The following TRIO variants were observed in gnomAD, a reference collection of about 807,000 sequenced individuals.
TRIO encodes the protein trio Rho guanine nucleotide exchange factor.
TRIO carries 58 observed loss-of-function variants against 351.9 expected under a neutral mutation model. The ratio of observed to expected loss-of-function variants is 0.16; its 90% confidence interval spans 0.13 to 0.21. The LOEUF (loss-of-function observed/expected upper bound fraction) is 0.21, where lower values mean the gene tolerates loss of function less well. Among genes scored for constraint, TRIO ranks in the 10% least tolerant of loss-of-function variants. The pLI is 1.00. For missense variants in TRIO, 3,201 were observed against 4,027.8 expected (o/e 0.79, Z 5.56); for synonymous variants, 1,758 against 1,595.7 (o/e 1.10, Z -2.42).
chr5:14,284,283 A>G (rs747973254), intron 3 of TRIO, among the ~76,000 whole-genome samples: 7 of 152,200 alleles, frequency 4.6e-5, no homozygotes, highest in Non-Finnish European at 8.8e-5. Flanking sequence ...TTCCCAAAGA[A>G]CAGTGTCTCT....
chr5:14,270,244 C>G (rs1041283010), intron 1 of TRIO, among the ~76,000 whole-genome samples: 1 of 152,060 alleles, frequency 6.6e-6, no homozygotes, highest in Non-Finnish European at 1.5e-5. Context: ...GGCACTGGGC[C>G]GTATGACCAC....
chr5:14,420,004 G>A lies in TRIO; in HGVS notation c.5186G>A (p.Gly1729Asp), dbSNP rs1288296616. The A allele has an allele frequency of 1.9e-6, 3 of 1,612,964 alleles. No individual in the cohort carries two copies. Among genetic ancestry groups the A allele is most frequent in the Non-Finnish European group, 2.5e-6 (3 of 1,179,094 alleles). ...TCCAGAAGTAGCATGGAAATGGAGGGCATCTTCAACCACAAAGGTAGGAAT... is the reference window on the plus strand; with the variant it reads ...TCCAGAAGTAGCATGGAAATGGAGGACATCTTCAACCACAAAGGTAGGAAT... ...AHSRSSMEMEGIFNHKDSLSV... is the reference protein window; with the variant it reads ...AHSRSSMEMEDIFNHKDSLSV... Residue 1729 changes from glycine (G) to aspartate (D), a missense_variant, in exon 34 of 57, where the codon GGC (glycine) becomes GAC (aspartate). Coordinates refer to ENST00000344204, the MANE Select transcript of TRIO (RefSeq NM_007118.4).
rs533436338 is a variant in TRIO, at chr5:14,293,237, T to A, written c.1176+103T>A. 2.5e-5 allele frequency: 38 copies of A among 1,507,116 alleles called. No individual in the cohort carries two copies. The East Asian group carries it at 7.6e-4, about 30-fold the overall frequency. 93.4% of individuals were successfully genotyped at this position (1,507,116 alleles called of 1,614,324 possible). ...TAGGGCTTTCAAGGGGCCTTCGGAG[T>A]GGCTGTTGATTGTAGCAGCTGACCT... On this transcript the variant is annotated intron_variant, in intron 6 of 56. Coordinates refer to ENST00000344204, the MANE Select transcript of TRIO (RefSeq NM_007118.4).
At chr5:14,342,435 G>A (rs1048783835) in intron 11 of TRIO, among the ~76,000 whole-genome samples, 3 of 152,166 alleles carry the variant, frequency 2.0e-5, no homozygotes, top group African/African-American at 4.8e-5. Context: ...GCTGCCCTCC[G>A]ATGGGTGCTC....
intron 29 of TRIO, chr5:14,397,381 A>C: frequency 2.2e-6 from 1 of 448,314 alleles, no homozygotes; most frequent in Non-Finnish European, 4.0e-6. Flanking sequence ...GCCTCTCCAC[A>C]CTCTGGACTC....
intron 1 of TRIO, among the ~76,000 whole-genome samples, chr5:14,248,116 G>T (rs892932537): frequency 6.6e-6 from 1 of 151,792 alleles, no homozygotes; most frequent in Non-Finnish European, 1.5e-5. Context: ...TTTGCAGCTG[G>T]GGTTATTAGC....
At chr5:14,143,954 C>G (rs1457922679) in intron 1 of TRIO, 72 bp downstream of exon 1, 75 of 1,000,224 alleles carry the variant, frequency 7.5e-5, no homozygotes, top group East Asian at 8.7e-5. Context: ...GCGGAGCTGC[C>G]GAGCTCCGGC....
chr5:14,460,461 A>G (rs1453844045), intron 34 of TRIO, among the ~76,000 whole-genome samples: 9 of 152,160 alleles, frequency 5.9e-5, no homozygotes, highest in African/African-American at 2.2e-4. Context: ...GAGTCTCACC[A>G]GGACAAATCA....
At chr5:14,486,686 G>A (rs1755940153) in intron 47 of TRIO, among the ~76,000 whole-genome samples, 1 of 152,174 alleles carries the variant, frequency 6.6e-6, no homozygotes, top group Admixed American at 6.5e-5. Flanking sequence ...TGAGTAACTA[G>A]TAATACCTAT....
intron 31 of TRIO, among the ~76,000 whole-genome samples, chr5:14,401,481 A>G (rs1036450122): frequency 2.0e-5 from 3 of 152,234 alleles, no homozygotes; most frequent in African/African-American, 7.2e-5. Flanking sequence ...CAGGAAGTCG[A>G]GGCCAACCGT....
chr5:14,377,535 C>T (rs1745670559), intron 19 of TRIO, among the ~76,000 whole-genome samples: 1 of 152,184 alleles, frequency 6.6e-6, no homozygotes, highest in Non-Finnish European at 1.5e-5. Context: ...CAGGCGTGAG[C>T]CACCGCGCCC....
At chr5:14,365,486 C>G (rs890078182) in intron 15 of TRIO, among the ~76,000 whole-genome samples, 43 of 152,180 alleles carry the variant, frequency 2.8e-4, no homozygotes, top group African/African-American at 1.0e-3. Flanking sequence ...CACATCAGAA[C>G]AGGTAGACTC....
At chr5:14,400,872 A>T in intron 30 of TRIO, 91 bp from the exon 31 acceptor site, 1 of 1,195,300 alleles carries the variant, frequency 8.4e-7, no homozygotes, top group Non-Finnish European at 1.2e-6. Context: ...TAACATGGCC[A>T]CAAGTAACCA....
intron 1 of TRIO, among the ~76,000 whole-genome samples, chr5:14,187,881 T>G (rs545445944): frequency 1.3e-5 from 2 of 152,260 alleles, no homozygotes; most frequent in African/African-American, 4.8e-5. Context: ...AGGGCTTTCT[T>G]ATGGGGATAA....
At chr5:14,148,013 C>T (rs889005391) in intron 1 of TRIO, among the ~76,000 whole-genome samples, 2 of 152,150 alleles carry the variant, frequency 1.3e-5, no homozygotes, top group Non-Finnish European at 2.9e-5. Context: ...AAGTGACTTT[C>T]GAGGAATCAA....
At chr5:14,317,492 C>T (rs993388066) in intron 9 of TRIO, among the ~76,000 whole-genome samples, 3 of 152,168 alleles carry the variant, frequency 2.0e-5, no homozygotes, top group African/African-American at 7.2e-5. Flanking sequence ...TGGCTGGGAA[C>T]CGCCGTGATA....
rs537607719 is a variant in TRIO at position 14,412,217 on chromosome 5, A to T, written c.4959+5545A>T. Among the ~76,000 whole-genome samples the T allele has an allele frequency of 1.3e-3, 205 of 152,072 alleles. 4 individuals are homozygous for T. In the South Asian group the frequency reaches 0.028, roughly 21 times the overall value. On this transcript the variant is annotated intron_variant, in intron 33 of 56. Coordinates refer to ENST00000344204, the MANE Select transcript of TRIO (RefSeq NM_007118.4). ...TGGCCAGGCTGGTCTCGAACTCCTGACCCCAGGTGATCCACCTGCCTCGGC... is the reference window on the plus strand; with the variant it reads ...TGGCCAGGCTGGTCTCGAACTCCTGTCCCCAGGTGATCCACCTGCCTCGGC...
rs6882272 is a variant in TRIO at position 14,198,726 on chromosome 5, T to A, written c.157+54844T>A. 7.4e-3 allele frequency among the ~76,000 whole-genome samples: 1,133 copies of A among 152,178 alleles called. 20 individuals are homozygous for A. Among genetic ancestry groups the A allele is most frequent in the African/African-American group, 0.026 (1,075 of 41,516 alleles). ...AGCCCCTTGATGTTGCCCAGTCAAG[T>A]CCATAGTGACTGTAGGGGCTGAACT... On this transcript the variant is annotated intron_variant, in intron 1 of 56. Transcript: ENST00000344204.
chr5:14,246,678 A>G (rs1478617520), intron 1 of TRIO, among the ~76,000 whole-genome samples: 1 of 151,562 alleles, frequency 6.6e-6, no homozygotes, highest in Non-Finnish European at 1.5e-5. Context: ...CTCTCCAGTC[A>G]CCCCTCGCCT....
Sources: gnomAD v4.1 joint callset for allele counts (sites outside exome capture counted in the v4.1 genomes callset) on GRCh38, gnomAD v4.1.1 for gene constraint, MANE v1.5 for transcripts, NCBI Gene and HGNC (gene_info 2026-07-23, HGNC 2026-07-21) for gene names.